The following MPPED2 variants were observed in gnomAD, a reference collection of about 807,000 sequenced individuals.
MPPED2 encodes the protein metallophosphoesterase domain containing 2.
Under a neutral mutation model 33.0 loss-of-function variants are expected in MPPED2, and 5 were observed. The ratio of observed to expected loss-of-function variants is 0.15; its 90% confidence interval spans 0.08 to 0.32. The LOEUF (loss-of-function observed/expected upper bound fraction) is 0.32, where lower values mean the gene tolerates loss of function less well. MPPED2 is among the 10% of genes least tolerant of loss of function. MPPED2 has a pLI of 1.00. For synonymous variants in MPPED2, 136 were observed against 141.9 expected, an observed-to-expected ratio of 0.96 and a Z score of 0.29; for missense variants, 275 against 372.1, an observed-to-expected ratio of 0.74 and a Z score of 2.15.
At chr11:30,552,726 A>G (rs1426138966) in intron 2 of MPPED2, among the ~76,000 whole-genome samples, 1 of 152,044 alleles carries the variant, frequency 6.6e-6, no homozygotes, top group Non-Finnish European at 1.5e-5. Flanking sequence ...GTTTTGTCAC[A>G]ATTTTCTTAA....
intron 3 of MPPED2, among the ~76,000 whole-genome samples, chr11:30,529,619 T>G (rs1379232037): frequency 6.6e-6 from 1 of 152,210 alleles, no homozygotes; most frequent in African/African-American, 2.4e-5. Flanking sequence ...TAATTTTGTT[T>G]TCTTCTTTTC....
chr11:30,411,516 C>A lies in MPPED2; in HGVS notation c.837G>T (p.Pro279=). The A allele has an allele frequency of 1.2e-6, 2 of 1,613,752 alleles. No individual in the cohort carries two copies. The highest frequency in any genetic ancestry group is 1.3e-5 in the African/African-American group (1 of 75,014). ...GGTCAAATATAATTGGAGGGTTGGT[C>A]GGTTGAAAGCTGACTGTACACGTCG... is the stretch of plus-strand genomic sequence containing the variant. The part of the protein sequence containing the change: ...NASTCTVSFQ[P]TNPPIIFDLP... The change falls in exon 7 of 7, where the codon CCG becomes CCT. Residue 279 remains proline (P), a synonymous_variant. Coordinates refer to ENST00000358117, the MANE Select transcript of MPPED2 (RefSeq NM_001584.3).
chr11:30,422,279 C>T (rs1475711483), intron 4 of MPPED2, among the ~76,000 whole-genome samples: 1 of 152,200 alleles, frequency 6.6e-6, no homozygotes, highest in Non-Finnish European at 1.5e-5. Flanking sequence ...TCAGCTCCCT[C>T]CTCCTTTCCA....
intron 2 of MPPED2, among the ~76,000 whole-genome samples, chr11:30,562,507 A>T (rs771258503): frequency 1.3e-5 from 2 of 152,186 alleles, no homozygotes; most frequent in Non-Finnish European, 1.5e-5. Context: ...ACAGGGAAAA[A>T]CTAGGAAATA....
chr11:30,441,727 A>G (rs1168179892), intron 4 of MPPED2, among the ~76,000 whole-genome samples: 1 of 152,034 alleles, frequency 6.6e-6, no homozygotes. Flanking sequence ...GACAGCCTTC[A>G]TTCTCTTGCC....
chr11:30,519,273 G>GCAAA (rs967551916), intron 3 of MPPED2, among the ~76,000 whole-genome samples: 3 of 151,872 alleles, frequency 2.0e-5, no homozygotes, highest in African/African-American at 2.4e-5. Flanking sequence ...TGTCTCAAAA[G>GCAAA]CAAACAAACA....
At chr11:30,545,208 G>A (rs142271106) in intron 2 of MPPED2, among the ~76,000 whole-genome samples, 11 of 152,274 alleles carry the variant, frequency 7.2e-5, no homozygotes, top group African/African-American at 2.6e-4. Context: ...TTTAGGAAAA[G>A]TGGGGTTGCT....
At chr11:30,419,315 A>C (rs759426198) in intron 4 of MPPED2, among the ~76,000 whole-genome samples, 47 of 152,150 alleles carry the variant, frequency 3.1e-4, no homozygotes, top group Non-Finnish European at 1.3e-4. Flanking sequence ...TGGTTCCAAA[A>C]ACAATGTTTG....
intron 4 of MPPED2, among the ~76,000 whole-genome samples, chr11:30,467,158 C>A (rs1271872310): frequency 2.6e-5 from 4 of 152,138 alleles, no homozygotes; most frequent in Non-Finnish European, 5.9e-5. Flanking sequence ...CACTTTCTGG[C>A]TTTTGCTGTC....
chr11:30,393,689 T>A (rs975693561), intron 6 of MPPED2, among the ~76,000 whole-genome samples: 2 of 152,206 alleles, frequency 1.3e-5, no homozygotes, highest in Non-Finnish European at 2.9e-5. Context: ...ATAAACAAAT[T>A]ATATTTAAGG....
chr11:30,555,794 G>A (rs1468757766), intron 2 of MPPED2, among the ~76,000 whole-genome samples: 1 of 151,960 alleles, frequency 6.6e-6, no homozygotes, highest in African/African-American at 2.4e-5. Context: ...TATGAAAATG[G>A]ACTAATACAA....
At chr11:30,507,172 AT>A (rs1952874521) in intron 3 of MPPED2, among the ~76,000 whole-genome samples, 1 of 152,210 alleles carries the variant, frequency 6.6e-6, no homozygotes, top group Non-Finnish European at 1.5e-5. Flanking sequence ...ATGGGTTCCA[AT>A]TGGCTTATAT....
intron 2 of MPPED2, among the ~76,000 whole-genome samples, chr11:30,567,868 G>A (rs1956514627): frequency 6.6e-6 from 1 of 152,162 alleles, no homozygotes; most frequent in African/African-American, 2.4e-5. Context: ...TTAAGTCTCT[G>A]CCCCTGGCTA....
chr11:30,515,959 C>T (rs11031120), intron 3 of MPPED2, among the ~76,000 whole-genome samples: 35,629 of 152,058 alleles, frequency 0.23, 4,603 homozygotes, highest in East Asian at 0.45. Context: ...CAATTTTCTG[C>T]CTACCACATT....
chr11:30,544,285 G>A (rs1349519298), intron 2 of MPPED2, among the ~76,000 whole-genome samples: 6 of 152,108 alleles, frequency 3.9e-5, no homozygotes, highest in Non-Finnish European at 8.8e-5. Flanking sequence ...CTTCTAACAT[G>A]GCAATCACGT....
intron 4 of MPPED2, among the ~76,000 whole-genome samples, chr11:30,489,052 C>CTTTTTTTTTT (rs35619209): frequency 7.1e-6 from 1 of 141,186 alleles, no homozygotes. Context: ...TCTTCTTCTC[C>CTTTTTTTTTT]TTTTTTTTTT....
chr11:30,563,241 G>T (rs58174650), intron 2 of MPPED2, among the ~76,000 whole-genome samples: 6,887 of 152,184 alleles, frequency 0.045, 537 homozygotes, highest in African/African-American at 0.16. Context: ...TGTGGTGAAA[G>T]ACAGTTTTTC....
At chr11:30,461,603 G>C (rs1285916841) in intron 4 of MPPED2, among the ~76,000 whole-genome samples, 1 of 152,064 alleles carries the variant, frequency 6.6e-6, no homozygotes, top group African/African-American at 2.4e-5. Context: ...TGTCAGGCCT[G>C]TTGCAGGATA....
At chr11:30,498,480 G>T (rs1350189509) in intron 3 of MPPED2, among the ~76,000 whole-genome samples, 1 of 151,180 alleles carries the variant, frequency 6.6e-6, no homozygotes, top group Non-Finnish European at 1.5e-5. Context: ...CCCCGGAGGT[G>T]CAGGTTGCTG....
Sources: gnomAD v4.1 joint callset for allele counts (sites outside exome capture counted in the v4.1 genomes callset) on GRCh38, gnomAD v4.1.1 for gene constraint, MANE v1.5 for transcripts, NCBI Gene and HGNC (gene_info 2026-07-23, HGNC 2026-07-21) for gene names.